WNT9B: variants seen among roughly 807,000 people sequenced by gnomAD.
WNT9B encodes Wnt family member 9B, also known as protein Wnt-9b.
A neutral mutation model predicts 30.2 loss-of-function variants in WNT9B; 12 were observed. That is an observed-to-expected ratio of 0.40 (90% confidence interval 0.26 to 0.64). The LOEUF is 0.64. Ranked by LOEUF, WNT9B falls within the 30% of genes least tolerant of loss-of-function variation. The pLI, the probability that WNT9B is intolerant of heterozygous loss-of-function variation, is 0.42. For missense variants in WNT9B, 442 were observed against 485.2 expected (o/e 0.91, Z 0.84); for synonymous variants, 218 against 216.9 (o/e 1.01, Z -0.05).
intron 1 of WNT9B, among the ~76,000 whole-genome samples, chr17:46,835,340 T>G (rs1039659204): frequency 6.6e-6 from 1 of 152,064 alleles, no homozygotes; most frequent in African/African-American, 2.4e-5. Context: ...GCCTCCCGAG[T>G]AGCTGGGACT....
chr17:46,844,120 AT>A (rs374810917), intron 1 of WNT9B, among the ~76,000 whole-genome samples: 284 of 149,136 alleles, frequency 1.9e-3, no homozygotes, highest in African/African-American at 6.5e-3. Flanking sequence ...TGCCTGGCTA[AT>A]TTTTTTTTTC....
chr17:46,855,176 A>G (rs1217387711), intron 1 of WNT9B, among the ~76,000 whole-genome samples: 1 of 152,208 alleles, frequency 6.6e-6, no homozygotes, highest in Non-Finnish European at 1.5e-5. Flanking sequence ...CTCCAGTGCT[A>G]AGACAGTATG....
chr17:46,875,874 G>A (rs2085336623), intron 3 of WNT9B, among the ~76,000 whole-genome samples: 1 of 152,214 alleles, frequency 6.6e-6, no homozygotes, highest in South Asian at 2.1e-4. Context: ...GGAGGAGGCT[G>A]GGAGACACCA....
At chr17:46,873,086 TCACACACACACACACACA>T (rs61118325) in intron 2 of WNT9B, among the ~76,000 whole-genome samples, 27 of 139,916 alleles carry the variant, frequency 1.9e-4, no homozygotes, top group Admixed American at 6.4e-4. Flanking sequence ...CTCTGCCTCT[TCACACACACACACACACA>T]CACACACACA....
downstream of WNT9B, chr17:46,885,014 G>T: frequency 2.3e-6 from 1 of 436,550 alleles, no homozygotes; most frequent in Non-Finnish European, 4.5e-6. Flanking sequence ...TTTAGACGAA[G>T]TCTTGTTCTT....
At chr17:46,835,784 G>A (rs552482246) in intron 1 of WNT9B, among the ~76,000 whole-genome samples, 2 of 152,380 alleles carry the variant, frequency 1.3e-5, no homozygotes, top group South Asian at 4.1e-4. Context: ...TGGGTTGGAG[G>A]GAAGGGAGGA....
intron 1 of WNT9B, among the ~76,000 whole-genome samples, chr17:46,859,138 A>G (rs1389327371): frequency 1.3e-5 from 2 of 151,512 alleles, no homozygotes; most frequent in Non-Finnish European, 2.9e-5. Flanking sequence ...CACTGTGCCT[A>G]GCTAATTTTG....
At chr17:46,872,018 C>G (rs577920074) in intron 1 of WNT9B, among the ~76,000 whole-genome samples, 1 of 152,102 alleles carries the variant, frequency 6.6e-6, no homozygotes, top group Non-Finnish European at 1.5e-5. Flanking sequence ...GCTGGGTGTC[C>G]GCTCAATGTC....
intron 1 of WNT9B, among the ~76,000 whole-genome samples, chr17:46,868,691 G>C (rs1010340444): frequency 7.2e-5 from 11 of 152,178 alleles, no homozygotes; most frequent in Admixed American, 3.3e-4. Context: ...TTCTCCAGTT[G>C]TCCATCTTAC....
At chr17:46,856,163 A>G (rs2084934844) in intron 1 of WNT9B, among the ~76,000 whole-genome samples, 1 of 152,250 alleles carries the variant, frequency 6.6e-6, no homozygotes, top group Non-Finnish European at 1.5e-5. Flanking sequence ...AAAGCCCAAG[A>G]CAGTGAATCC....
intron 2 of WNT9B, chr17:46,874,841 G>T (rs1354099461): frequency 1.7e-6 from 1 of 605,270 alleles, no homozygotes; most frequent in African/African-American, 1.8e-5. Context: ...GCCTCCTAAA[G>T]TGCTGGGATT....
rs1339430412 is a variant in WNT9B at position 46,878,119 on chromosome 17, G to T, written c.*1401G>T. ...TGTTCAGGATGAAGACCTTGCAGGG[G>T]TCCCCTTGCTGGAGGCATTGTACTT... is the stretch of plus-strand genomic sequence containing the variant. On this transcript the variant is annotated 3_prime_UTR_variant, in exon 4 of 4. Transcript: ENST00000290015. 6.6e-6 allele frequency among the ~76,000 whole-genome samples: 1 copy of T among 152,220 alleles called. No individual in the cohort carries two copies. The highest frequency in any genetic ancestry group is 1.5e-5 in the Non-Finnish European group (1 of 68,038).
At chr17:46,861,102 T>C (rs9911904) in intron 1 of WNT9B, among the ~76,000 whole-genome samples, 3,727 of 152,348 alleles carry the variant, frequency 0.024, 156 homozygotes, top group African/African-American at 0.086. Context: ...CTGCCATATG[T>C]TGGCAGTGGA....
At chr17:46,861,343 T>A (rs9912438) in intron 1 of WNT9B, among the ~76,000 whole-genome samples, 3,719 of 152,292 alleles carry the variant, frequency 0.024, 155 homozygotes, top group African/African-American at 0.085. Flanking sequence ...TCTCTAGCAG[T>A]GCTCCCTGGT....
At chr17:46,848,839 C>T (rs982882579), upstream of WNT9B, among the ~76,000 whole-genome samples, 1 of 152,156 alleles carries the variant, frequency 6.6e-6, no homozygotes, top group Non-Finnish European at 1.5e-5. Flanking sequence ...TCTGTTTTTT[C>T]ATCTGTGCAA....
intron 1 of WNT9B, among the ~76,000 whole-genome samples, chr17:46,862,826 C>T (rs1316236011): frequency 5.3e-5 from 8 of 152,180 alleles, no homozygotes; most frequent in African/African-American, 1.7e-4. Flanking sequence ...TCAAGTGATC[C>T]GCCCGCCTCG....
At chr17:46,839,944 CT>C (rs1480261073) in intron 1 of WNT9B, among the ~76,000 whole-genome samples, 9 of 148,868 alleles carry the variant, frequency 6.0e-5, no homozygotes, top group African/African-American at 2.2e-4. Flanking sequence ...TTCTTTCTTT[CT>C]TTCTTTCTTT....
intron 1 of WNT9B, among the ~76,000 whole-genome samples, chr17:46,852,911 G>A (rs768689701): frequency 3.4e-4 from 51 of 152,088 alleles, no homozygotes; most frequent in Non-Finnish European, 6.3e-4. Flanking sequence ...ACCCCTGGTG[G>A]AAACATGTCT....
chr17:46,834,275 A>G (rs1016485069), intron 1 of WNT9B, among the ~76,000 whole-genome samples: 33 of 152,140 alleles, frequency 2.2e-4, no homozygotes, highest in African/African-American at 7.7e-4. Flanking sequence ...GGATTTGCCA[A>G]CTCTCAGGGG....
Sources: allele counts gnomAD v4.1 joint callset (sites outside exome capture counted in the v4.1 genomes callset), GRCh38; gene constraint gnomAD v4.1.1; transcripts MANE v1.5; gene names NCBI Gene and HGNC (gene_info 2026-07-23, HGNC 2026-07-21).